The following CCDC12 variants were observed in gnomAD, a reference collection of about 807,000 sequenced individuals.
CCDC12 encodes the protein coiled-coil domain containing 12.
CCDC12 carries 28 observed loss-of-function variants against 25.7 expected under a neutral mutation model. The observed-to-expected ratio is 1.09, with a 90% confidence interval of 0.81 to 1.50. CCDC12 has a LOEUF of 1.50. Among genes scored for constraint, CCDC12 ranks in the 40% most tolerant of loss-of-function variants. The pLI, the probability that CCDC12 is intolerant of heterozygous loss-of-function variation, is 0.00. For missense variants in CCDC12, 198 were observed against 210.0 expected, an observed-to-expected ratio of 0.94 and a Z score of 0.35; for synonymous variants, 75 against 87.7, an observed-to-expected ratio of 0.86 and a Z score of 0.81.
At position 46,923,605 on chromosome 3, in the gene CCDC12, ACCACCT is replaced by A; in HGVS notation, c.302_306+1del. ...GGATGCCAGGGTGGTCCAGGCACTC[ACCACCT>A]CCTCGATGACGGGCTCGGGCTTGGC... On this transcript the variant is annotated splice_donor_variant and coding_sequence_variant, in exon 4 of 7. Transcript: ENST00000683445. LOFTEE classifies it high-confidence loss of function. 1 of 1,603,400 alleles carries A rather than the reference ACCACCT, an allele frequency of 6.2e-7. No homozygotes were observed. The highest frequency in any genetic ancestry group is 1.1e-5 in the South Asian group (1 of 89,176).
intron 1 of CCDC12, among the ~76,000 whole-genome samples, chr3:46,961,501 C>G (rs928935181): frequency 2.0e-5 from 3 of 152,204 alleles, no homozygotes; most frequent in Non-Finnish European, 4.4e-5. Context: ...ACTGGAGGGC[C>G]TGGCTCAGCA....
rs1322674399 is a variant in CCDC12 at position 46,973,388 on chromosome 3, G to A, written c.96+3249C>T. Among the ~76,000 whole-genome samples the A allele has an allele frequency of 4.1e-5, 6 of 147,706 alleles. 1 individual carries two copies. Among genetic ancestry groups the A allele is most frequent in the Admixed American group, 2.0e-4 (3 of 14,874 alleles). On this transcript the variant is annotated intron_variant, in intron 1 of 6. Transcript: ENST00000683445. ...AAAAAAAAATTAATCCCAGCTACTCGAGAGGCTGAGACAGGAAAATTGCTT... is the reference window on the plus strand; with the variant it reads ...AAAAAAAAATTAATCCCAGCTACTCAAGAGGCTGAGACAGGAAAATTGCTT...
chr3:46,963,337 T>A (rs983144872), intron 1 of CCDC12, among the ~76,000 whole-genome samples: 8 of 152,158 alleles, frequency 5.3e-5, no homozygotes, highest in African/African-American at 1.9e-4. Flanking sequence ...TATAAAGTCA[T>A]TAAAAAGAAA....
chr3:46,967,058 C>G (rs1184148078), intron 1 of CCDC12, among the ~76,000 whole-genome samples: 1 of 152,144 alleles, frequency 6.6e-6, no homozygotes, highest in African/African-American at 2.4e-5. Context: ...CTCGTCTAGC[C>G]CCAGGGCTTG....
chr3:46,957,553 T>C (rs1173684089), intron 1 of CCDC12, among the ~76,000 whole-genome samples: 2 of 152,240 alleles, frequency 1.3e-5, no homozygotes, highest in South Asian at 2.1e-4. Flanking sequence ...TGGCCATTTA[T>C]AGCAATAACC....
At chr3:46,943,362 A>G (rs1329552528) in intron 1 of CCDC12, among the ~76,000 whole-genome samples, 1 of 152,218 alleles carries the variant, frequency 6.6e-6, no homozygotes, top group Non-Finnish European at 1.5e-5. Flanking sequence ...GGACACCCTG[A>G]AGGCTACTCC....
In CCDC12 at chr3:46,937,897, C is replaced by CT. The variant is rs547981162; in HGVS notation, c.164+3100dup. Among the ~76,000 whole-genome samples the CT allele has an allele frequency of 3.4e-4, 52 of 152,310 alleles. No homozygotes were observed. In the South Asian group the frequency reaches 0.01, roughly 30 times the overall value. On this transcript the variant is annotated intron_variant, in intron 2 of 6. Transcript: ENST00000683445. ...GATCTGTTAAAGTCAGAAGAGTCTG[C>CT]TTTTCTCTGGGGCCTACAAATACAG...
chr3:46,976,480 T>G, intron 1 of CCDC12, 157 bp downstream of exon 1: 1 of 1,434,298 alleles, frequency 7.0e-7, no homozygotes. Context: ...GCCCCAGACA[T>G]CGTGGGAGGG....
At chr3:46,930,821 G>A (rs964502371) in intron 2 of CCDC12, among the ~76,000 whole-genome samples, 7 of 152,098 alleles carry the variant, frequency 4.6e-5, no homozygotes, top group African/African-American at 7.2e-5. Flanking sequence ...CACAGTAACC[G>A]CCCTTCTCCT....
intron 2 of CCDC12, among the ~76,000 whole-genome samples, chr3:46,940,452 G>C (rs2033655362): frequency 6.6e-6 from 1 of 152,218 alleles, no homozygotes; most frequent in East Asian, 1.9e-4. Context: ...CAACGAGAAA[G>C]GCGCCCTTTG....
At chr3:46,938,522 T>TG (rs1490368017) in intron 2 of CCDC12, among the ~76,000 whole-genome samples, 18 of 142,722 alleles carry the variant, frequency 1.3e-4, no homozygotes, top group Admixed American at 6.9e-4. Flanking sequence ...CCTCCTGTTT[T>TG]TTTTTTTTTT....
At chr3:46,977,618 C>T (rs913513991), upstream of CCDC12, among the ~76,000 whole-genome samples, 23 of 152,320 alleles carry the variant, frequency 1.5e-4, no homozygotes, top group Admixed American at 1.4e-3. Flanking sequence ...TGACCACTCT[C>T]AGCTCAGACA....
At chr3:46,957,846 G>C (rs552126031) in intron 1 of CCDC12, among the ~76,000 whole-genome samples, 3 of 152,068 alleles carry the variant, frequency 2.0e-5, no homozygotes, top group Non-Finnish European at 4.4e-5. Flanking sequence ...GGGAGGCTGA[G>C]GCAGGAGAAT....
At chr3:46,925,716 C>T (rs1450689497) in intron 2 of CCDC12, among the ~76,000 whole-genome samples, 181 bp from the exon 3 acceptor site, 1 of 152,228 alleles carries the variant, frequency 6.6e-6, no homozygotes, top group Non-Finnish European at 1.5e-5. Flanking sequence ...TGGCACCGTC[C>T]CCTGCCACTT....
chr3:46,937,639 A>G (rs575532148), intron 2 of CCDC12, among the ~76,000 whole-genome samples: 97 of 152,300 alleles, frequency 6.4e-4, no homozygotes, highest in African/African-American at 2.2e-3. Flanking sequence ...TCAGCTCCCA[A>G]TCCATAAGCA....
intron 1 of CCDC12, among the ~76,000 whole-genome samples, chr3:46,946,895 A>T (rs1464682662): frequency 6.6e-6 from 1 of 152,220 alleles, no homozygotes; most frequent in East Asian, 1.9e-4. Context: ...CAAGGACTCA[A>T]ACTTTTAGGA....
chr3:46,940,861 G>C, intron 2 of CCDC12, 137 bp downstream of exon 2: 1 of 810,644 alleles, frequency 1.2e-6, no homozygotes, highest in South Asian at 1.5e-5. Flanking sequence ...TTTAAGGTCT[G>C]AACAGGACAG....
At chr3:46,967,218 C>T (rs1428692777) in intron 1 of CCDC12, among the ~76,000 whole-genome samples, 1 of 152,122 alleles carries the variant, frequency 6.6e-6, no homozygotes, top group Admixed American at 6.5e-5. Flanking sequence ...ATCTCAGGAA[C>T]CCTGTCTGTG....
chr3:46,979,956 C>A (rs755957393), upstream of CCDC12: 4 of 305,532 alleles, frequency 1.3e-5, no homozygotes, highest in East Asian at 2.1e-4. Context: ...CCCGCGGTGC[C>A]CCCAGCTTCG....
Sources: allele counts gnomAD v4.1 joint callset (sites outside exome capture counted in the v4.1 genomes callset), GRCh38; gene constraint gnomAD v4.1.1; transcripts MANE v1.5; gene names NCBI Gene and HGNC (gene_info 2026-07-23, HGNC 2026-07-21).